The following TYW1B variants were observed in gnomAD, a reference collection of about 807,000 sequenced individuals.
TYW1B encodes S-adenosyl-L-methionine-dependent tRNA 4-demethylwyosine synthase TYW1B.
In TYW1B, 73 loss-of-function variants were observed where a neutral mutation model predicts 86.9. The ratio of observed to expected loss-of-function variants is 0.84; its 90% CI spans 0.70 to 1.02. TYW1B has a LOEUF of 1.02. Among genes scored for constraint, TYW1B ranks in the 50% least tolerant of loss-of-function variants. The pLI, the probability that TYW1B is intolerant of heterozygous loss-of-function variation, is 0.00. For synonymous variants in TYW1B, 248 were observed against 292.8 expected (o/e 0.85, Z 1.56); for missense variants, 637 against 827.4 (o/e 0.77, Z 2.82).
chr7:72,798,795 G>A (rs1163199345), intron 6 of TYW1B, among the ~76,000 whole-genome samples: 4 of 152,136 alleles, frequency 2.6e-5, no homozygotes, highest in East Asian at 3.8e-4. Context: ...ATCCAGCTTT[G>A]GAGTTTTGTT....
chr7:72,682,496 T>C (rs1243979572), intron 11 of TYW1B, among the ~76,000 whole-genome samples: 2 of 152,150 alleles, frequency 1.3e-5, no homozygotes, highest in Non-Finnish European at 2.9e-5. Flanking sequence ...AAAAGGAGAA[T>C]TCACAAAGAC....
intron 7 of TYW1B, among the ~76,000 whole-genome samples, chr7:72,775,298 T>C (rs1224819303): frequency 9.9e-5 from 15 of 151,796 alleles, no homozygotes; most frequent in Non-Finnish European, 1.2e-4. Context: ...AGACCATAAA[T>C]CCACAAAACC....
At chr7:72,807,434 A>G in intron 4 of TYW1B, 78 bp from the exon 5 acceptor site, 1 of 1,531,972 alleles carries the variant, frequency 6.5e-7, no homozygotes, top group Non-Finnish European at 8.8e-7. Context: ...AAAAGCCCAA[A>G]GTCCTTCTGG....
intron 7 of TYW1B, among the ~76,000 whole-genome samples, chr7:72,763,338 A>G (rs563118511): frequency 6.6e-4 from 88 of 133,372 alleles, no homozygotes; most frequent in African/African-American, 2.3e-3. Flanking sequence ...GCTGGAGTGC[A>G]GTGGCGTAGT....
At chr7:72,779,924 A>C (rs558432567) in intron 6 of TYW1B, among the ~76,000 whole-genome samples, 241 of 151,492 alleles carry the variant, frequency 1.6e-3, no homozygotes, top group Middle Eastern at 3.4e-3. Context: ...CCAAATTACT[A>C]AATATAATCA....
chr7:72,696,737 A>G (rs1814329143), intron 10 of TYW1B, among the ~76,000 whole-genome samples: 1 of 152,176 alleles, frequency 6.6e-6, no homozygotes, highest in Non-Finnish European at 1.5e-5. Context: ...TAGAAAAATC[A>G]CAAGTGTCTA....
intron 11 of TYW1B, among the ~76,000 whole-genome samples, chr7:72,677,720 T>C (rs1472569928): frequency 8.5e-5 from 13 of 152,132 alleles, no homozygotes; most frequent in Non-Finnish European, 1.6e-4. Context: ...TCTTTTTTTT[T>C]GAGATGAAGT....
chr7:72,638,844 C>A (rs1280949820), intron 11 of TYW1B, among the ~76,000 whole-genome samples: 5 of 152,184 alleles, frequency 3.3e-5, no homozygotes, highest in Non-Finnish European at 7.3e-5. Context: ...ATTAAGTATT[C>A]TTGCCAAAAA....
chr7:72,624,322 A>C (rs1554438434), intron 12 of TYW1B, among the ~76,000 whole-genome samples: 1 of 152,238 alleles, frequency 6.6e-6, no homozygotes. Flanking sequence ...TAAAATTAAT[A>C]AACATTTCCC....
At chr7:72,820,944 G>A (rs186025176) in intron 2 of TYW1B, among the ~76,000 whole-genome samples, 1 of 152,112 alleles carries the variant, frequency 6.6e-6, no homozygotes, top group East Asian at 1.9e-4. Context: ...TAAGAGCTAC[G>A]GAAGACAAAG....
chr7:72,723,149 A>G, intron 9 of TYW1B: 1 of 526,100 alleles, frequency 1.9e-6, no homozygotes, highest in Non-Finnish European at 3.0e-6. Flanking sequence ...TTATAAATAT[A>G]TAAGGGGGAA....
chr7:72,599,185 C>T (rs1554433205), intron 13 of TYW1B, among the ~76,000 whole-genome samples: 1 of 152,058 alleles, frequency 6.6e-6, no homozygotes, highest in African/African-American at 2.4e-5. Flanking sequence ...GAATTATATG[C>T]CATGACCAAG....
At chr7:72,638,503 A>C (rs1284889206) in intron 11 of TYW1B, among the ~76,000 whole-genome samples, 25 of 152,142 alleles carry the variant, frequency 1.6e-4, no homozygotes, top group African/African-American at 6.0e-4. Flanking sequence ...AAACTAGGAA[A>C]ATTTTCTCAA....
intron 11 of TYW1B, among the ~76,000 whole-genome samples, chr7:72,682,327 G>T (rs1469888964): frequency 6.6e-6 from 1 of 152,084 alleles, no homozygotes; most frequent in Non-Finnish European, 1.5e-5. Context: ...GTACTTTAAA[G>T]ATGGTTCATC....
At chr7:72,666,192 T>C (rs573628238) in intron 11 of TYW1B, among the ~76,000 whole-genome samples, 20 of 152,100 alleles carry the variant, frequency 1.3e-4, no homozygotes, top group Non-Finnish European at 2.6e-4. Context: ...GGTGGGCAGA[T>C]TGCTTGAGCC....
chr7:72,631,739 AAT>A (rs1554439811), intron 11 of TYW1B, among the ~76,000 whole-genome samples: 4 of 151,030 alleles, frequency 2.6e-5, no homozygotes, highest in Admixed American at 6.6e-5. Context: ...GTTACCAAAA[AAT>A]ATATATATAT....
In TYW1B at chr7:72,575,156, T is replaced by C. The variant is rs1322853125; in HGVS notation, c.*342A>G. 33 of 1,088,270 alleles carry C rather than the reference T, an allele frequency of 3.0e-5. No homozygotes were observed. In the African/African-American group the frequency reaches 4.8e-4, roughly 16 times the overall value. 67.4% of individuals were successfully genotyped at this position (1,088,270 alleles called of 1,614,324 possible). A position where few individuals can be genotyped will look rare whatever the true frequency, so the allele number is the denominator to read the frequency against. On this transcript the variant is annotated 3_prime_UTR_variant, in exon 14 of 14. Transcript: ENST00000620995. ...AAGAGGCCCAGGGATTTCTTCCTTG[T>C]CTGACACTCTCAGGACTAGCATTCT...
intron 12 of TYW1B, among the ~76,000 whole-genome samples, chr7:72,619,512 G>A (rs1442610464): frequency 2.0e-5 from 3 of 151,500 alleles, no homozygotes; most frequent in Non-Finnish European, 4.4e-5. Flanking sequence ...ACGGTGGCGG[G>A]CGCCTGTAGT....
chr7:72,793,762 A>G (rs1404504913), intron 6 of TYW1B, among the ~76,000 whole-genome samples: 2 of 152,140 alleles, frequency 1.3e-5, no homozygotes, highest in Non-Finnish European at 2.9e-5. Context: ...CTCAAAAAAA[A>G]AAAAAAAAAT....
Sources: gnomAD v4.1 joint callset for allele counts (sites outside exome capture counted in the v4.1 genomes callset) on GRCh38, gnomAD v4.1.1 for gene constraint, MANE v1.5 for transcripts, NCBI Gene and HGNC (gene_info 2026-07-23, HGNC 2026-07-21) for gene names.